ANKRD11: variants seen among roughly 807,000 people sequenced by gnomAD.
ANKRD11 encodes the protein ankyrin repeat domain-containing protein 11.
Under a neutral mutation model 195.7 loss-of-function variants are expected in ANKRD11, and 17 were observed. The ratio of observed to expected loss-of-function variants is 0.09; its 90% confidence interval spans 0.06 to 0.13. The LOEUF is 0.13. ANKRD11 is among the 10% of genes least tolerant of loss of function. ANKRD11 has a pLI of 1.00. For missense variants in ANKRD11, 3,735 were observed against 3,566.1 expected, an observed-to-expected ratio of 1.05 and a Z score of -1.21; for synonymous variants, 1,953 against 1,528.1, an observed-to-expected ratio of 1.28 and a Z score of -6.49.
At chr16:89,349,216 T>C (rs959329324) in intron 2 of ANKRD11, among the ~76,000 whole-genome samples, 2 of 105,576 alleles carry the variant, frequency 1.9e-5, no homozygotes, top group Non-Finnish European at 3.9e-5. Flanking sequence ...AATCGATAAA[T>C]AGAATGATGG....
At position 89,469,568 on chromosome 16, in the gene ANKRD11, G is replaced by C. The variant is rs2057000699; in HGVS notation, c.-145+20677C>G. ...TTTGAACACCGTACTGGAGATTCTA[G>C]TCCAAGAGAAAGGAGATAAAACGTA... On this transcript the variant is annotated intron_variant, in intron 1 of 12. Transcript: ENST00000301030. Among the ~76,000 whole-genome samples the C allele has an allele frequency of 2.0e-5, 3 of 151,826 alleles. No homozygotes were observed. In the South Asian group the frequency reaches 6.2e-4, roughly 32 times the overall value.
At chr16:89,357,106 G>A (rs1010120934) in intron 2 of ANKRD11, among the ~76,000 whole-genome samples, 1 of 152,232 alleles carries the variant, frequency 6.6e-6, no homozygotes, top group Admixed American at 6.5e-5. Flanking sequence ...GGATGAGTCT[G>A]TAGGAGGGAC....
At chr16:89,312,433 G>T (rs577025416) in intron 3 of ANKRD11, among the ~76,000 whole-genome samples, 10 of 152,346 alleles carry the variant, frequency 6.6e-5, no homozygotes, top group Non-Finnish European at 1.3e-4. Flanking sequence ...ATGTGAACTG[G>T]GTGGTGGGGG....
At position 89,336,836 on chromosome 16, in the gene ANKRD11, C is replaced by T. The variant is rs141563917; in HGVS notation, c.-59-19758G>A. Among the ~76,000 whole-genome samples, 1,478 of 152,044 alleles carry T rather than the reference C, an allele frequency of 9.7e-3. 10 individuals carry two copies. Among genetic ancestry groups the T allele is most frequent in the Middle Eastern group, 0.02 (6 of 294 alleles). ...AAAGGAATGTCTTTCCATTAGAAAA[C>T]AACTGCAGGCCGGGCGCGGTGGCTC... On this transcript the variant is annotated intron_variant, in intron 2 of 12. Transcript: ENST00000301030.
intron 1 of ANKRD11, among the ~76,000 whole-genome samples, chr16:89,478,932 T>C (rs956720579): frequency 1.3e-5 from 2 of 152,202 alleles, no homozygotes; most frequent in African/African-American, 4.8e-5. Flanking sequence ...ACTTGTTGGG[T>C]GTGTAAATAA....
intron 2 of ANKRD11, among the ~76,000 whole-genome samples, chr16:89,352,803 T>G (rs2039283592): frequency 6.6e-6 from 1 of 152,146 alleles, no homozygotes; most frequent in African/African-American, 2.4e-5. Context: ...CTGCCCTCCT[T>G]CAAGATGACC....
At position 89,282,917 on chromosome 16, in the gene ANKRD11, T is replaced by C. The variant is rs866638426; in HGVS notation, c.3625A>G (p.Lys1209Glu). The change falls in exon 9 of 13, where the codon AAG becomes GAG. Residue 1209 changes from lysine (K) to glutamate (E), a missense_variant. By Grantham distance (56) the Lys-to-Glu change is moderately conservative (BLOSUM62 1). Coordinates refer to ENST00000301030, the MANE Select transcript of ANKRD11 (RefSeq NM_013275.6). Reference protein sequence around the residue: ...EKVFEKHKEKKDKESTEKYKD... With the variant: ...EKVFEKHKEKEDKESTEKYKD... Reference sequence around the variant, plus strand: ...TACTTTTCTGTGGACTCTTTATCCTTCTTCTCCTTGTGCTTTTCAAAGACT... The same window carrying C: ...TACTTTTCTGTGGACTCTTTATCCTCCTTCTCCTTGTGCTTTTCAAAGACT... 1 of 1,613,318 alleles carries C rather than the reference T, an allele frequency of 6.2e-7. No individual in the cohort carries two copies. Among genetic ancestry groups the C allele is most frequent in the African/African-American group, 1.3e-5 (1 of 74,954 alleles).
At chr16:89,464,186 C>G (rs1036003224) in intron 1 of ANKRD11, among the ~76,000 whole-genome samples, 1 of 151,740 alleles carries the variant, frequency 6.6e-6, no homozygotes, top group African/African-American at 2.4e-5. Context: ...CTGTAGCGAG[C>G]GAAGATCGCA....
intron 2 of ANKRD11, among the ~76,000 whole-genome samples, chr16:89,384,559 ATGGGACAGGATGGGAC>A (rs1274018792): frequency 8.1e-6 from 1 of 123,600 alleles, no homozygotes; most frequent in Admixed American, 8.2e-5. Context: ...TGGGATGGGA[ATGGGACAGGATGGGAC>A]GGGACGGGAT....
intron 1 of ANKRD11, among the ~76,000 whole-genome samples, chr16:89,466,744 C>T (rs1367080939): frequency 6.6e-6 from 1 of 152,132 alleles, no homozygotes; most frequent in African/African-American, 2.4e-5. Flanking sequence ...TCCACATGTT[C>T]GACATGGAAA....
At chr16:89,303,224 C>G (rs1429014019) in intron 4 of ANKRD11, among the ~76,000 whole-genome samples, 1 of 152,234 alleles carries the variant, frequency 6.6e-6, no homozygotes, top group Non-Finnish European at 1.5e-5. Context: ...CCTCAAAGGT[C>G]TGAGGCCAAC....
intron 6 of ANKRD11, among the ~76,000 whole-genome samples, chr16:89,290,077 A>G (rs2034924750): frequency 6.6e-6 from 1 of 152,210 alleles, no homozygotes; most frequent in Non-Finnish European, 1.5e-5. Flanking sequence ...ACTTTGAAAT[A>G]CTTTCCAAGA....
At chr16:89,431,892 A>C (rs1290361311) in intron 1 of ANKRD11, among the ~76,000 whole-genome samples, 1 of 152,114 alleles carries the variant, frequency 6.6e-6, no homozygotes, top group Non-Finnish European at 1.5e-5. Context: ...GCCTTGCTGC[A>C]GGGCACCACT....
At chr16:89,366,180 C>T (rs2039942714) in intron 2 of ANKRD11, among the ~76,000 whole-genome samples, 1 of 150,662 alleles carries the variant, frequency 6.6e-6, no homozygotes, top group Non-Finnish European at 1.5e-5. Flanking sequence ...TTCATGGCTG[C>T]ACAGTATTCC....
At chr16:89,314,132 G>C (rs3102351) in intron 3 of ANKRD11, among the ~76,000 whole-genome samples, 13,512 of 152,228 alleles carry the variant, frequency 0.089, 820 homozygotes, top group Middle Eastern at 0.28. Flanking sequence ...GCTGAAGTAG[G>C]AGGACTGCTT....
rs979488374 is a variant in ANKRD11, at chr16:89,407,676, CACACACACAT to C, written c.-60+10598_-60+10607del. ...TCTCTATCAAACACACATACACACACACACACACATAGACACACACAGAATTAGCCAGGCA... is the reference window on the plus strand; with the variant it reads ...TCTCTATCAAACACACATACACACACAGACACACACAGAATTAGCCAGGCA... On this transcript the variant is annotated intron_variant, in intron 2 of 12. Coordinates refer to ENST00000301030, the MANE Select transcript of ANKRD11 (RefSeq NM_013275.6). Among the ~76,000 whole-genome samples the C allele has an allele frequency of 4.6e-5, 7 of 152,076 alleles. No homozygotes were observed. The East Asian group carries it at 9.7e-4, about 21-fold the overall frequency.
intron 3 of ANKRD11, among the ~76,000 whole-genome samples, chr16:89,305,684 ACGCGCCACC>A (rs2036158611): frequency 1.3e-4 from 5 of 39,866 alleles, no homozygotes; most frequent in African/African-American, 4.2e-4. Flanking sequence ...CTCCGCAGAC[ACGCGCCACC>A]TCCCACTCCG....
intron 1 of ANKRD11, among the ~76,000 whole-genome samples, chr16:89,432,593 T>C (rs922061068): frequency 6.6e-6 from 1 of 152,174 alleles, no homozygotes; most frequent in Non-Finnish European, 1.5e-5. Context: ...CTTTCTTCCT[T>C]ATACTTCTCA....
At chr16:89,442,697 C>T (rs774894096) in intron 1 of ANKRD11, among the ~76,000 whole-genome samples, 11 of 152,224 alleles carry the variant, frequency 7.2e-5, no homozygotes, top group Admixed American at 4.6e-4. Context: ...CCTTTCCTCC[C>T]CACCACCCAC....
Sources: gnomAD v4.1 joint callset for allele counts (sites outside exome capture counted in the v4.1 genomes callset) on GRCh38, gnomAD v4.1.1 for gene constraint, MANE v1.5 for transcripts, NCBI Gene and HGNC (gene_info 2026-07-23, HGNC 2026-07-21) for gene names.